ZNF362: variants seen among roughly 807,000 people sequenced by gnomAD.
ZNF362 encodes zinc finger protein 362.
A neutral mutation model predicts 42.9 loss-of-function variants in ZNF362; 11 were observed. The ratio of observed to expected loss-of-function variants is 0.26; its 90% CI spans 0.16 to 0.42. The LOEUF is 0.42. Among genes scored for constraint, ZNF362 ranks in the 20% least tolerant of loss-of-function variants. The pLI is 1.00. For missense variants in ZNF362, 362 were observed against 576.2 expected (o/e 0.63, Z 3.81); for synonymous variants, 255 against 257.3 (o/e 0.99, Z 0.09).
At chr1:33,271,052 G>C (rs1024422763) in intron 2 of ZNF362, among the ~76,000 whole-genome samples, 6 of 152,112 alleles carry the variant, frequency 3.9e-5, no homozygotes, top group African/African-American at 9.7e-5. Context: ...CTGCTCCCCA[G>C]GGGCCTCCCA....
the ZNF362 span, among the ~76,000 whole-genome samples, chr1:33,184,671 AC>A: frequency 4.6e-5 from 7 of 152,328 alleles, no homozygotes; most frequent in Admixed American, 2.6e-4. Context: ...AAGTACAGCC[AC>A]CCTGACATGG....
At chr1:33,214,637 C>A in the ZNF362 span, among the ~76,000 whole-genome samples, 2 of 152,074 alleles carry the variant, frequency 1.3e-5, no homozygotes, top group African/African-American at 4.8e-5. Flanking sequence ...GGAGCTCAGA[C>A]AACTTGATCA....
At chr1:33,239,745 T>C in the ZNF362 span, among the ~76,000 whole-genome samples, 1 of 152,122 alleles carries the variant, frequency 6.6e-6, no homozygotes, top group Non-Finnish European at 1.5e-5. Flanking sequence ...GTCCTGCCCT[T>C]GACACGTGGA....
intron 6 of ZNF362, among the ~76,000 whole-genome samples, chr1:33,288,713 C>T (rs1464564113): frequency 8.8e-6 from 1 of 113,636 alleles, no homozygotes; most frequent in East Asian, 2.8e-4. Context: ...CACTGCACTC[C>T]AGCCTCGGCG....
At chr1:33,189,052 T>C in the ZNF362 span, among the ~76,000 whole-genome samples, 3 of 152,202 alleles carry the variant, frequency 2.0e-5, no homozygotes, top group East Asian at 3.9e-4. Flanking sequence ...GCCACGACTC[T>C]TTCTGCACCA....
chr1:33,223,908 A>T, the ZNF362 span, among the ~76,000 whole-genome samples: 1 of 151,920 alleles, frequency 6.6e-6, no homozygotes, highest in East Asian at 1.9e-4. Flanking sequence ...AAAAAAAAAA[A>T]AAGAAAAAAG....
the ZNF362 span, among the ~76,000 whole-genome samples, chr1:33,131,585 A>G: frequency 0.013 from 2,027 of 152,326 alleles, 61 homozygotes; most frequent in African/African-American, 0.046. Context: ...TATTGATTTT[A>G]GTATTATCAT....
At chr1:33,238,923 A>G in the ZNF362 span, among the ~76,000 whole-genome samples, 3 of 152,190 alleles carry the variant, frequency 2.0e-5, no homozygotes, top group Admixed American at 2.0e-4. Flanking sequence ...CTGGACTTCC[A>G]GCCTCCAGAA....
chr1:33,296,436 C>G (rs1169743066), intron 8 of ZNF362, among the ~76,000 whole-genome samples: 1 of 152,156 alleles, frequency 6.6e-6, no homozygotes, highest in Non-Finnish European at 1.5e-5. Context: ...CTCCTTTTGT[C>G]CCTGCCACTC....
chr1:33,207,178 C>A, the ZNF362 span, among the ~76,000 whole-genome samples: 2 of 151,872 alleles, frequency 1.3e-5, no homozygotes, highest in African/African-American at 4.8e-5. Flanking sequence ...TTAACTCCCA[C>A]TTATGAGTGA....
the ZNF362 span, chr1:33,159,988 G>A: frequency 1.9e-6 from 3 of 1,583,058 alleles, no homozygotes; most frequent in Non-Finnish European, 2.6e-6. This position sits in a 1 kb window ranked among gnomAD's most constrained non-coding sequence, Gnocchi z 4.2. Context: ...GGGAGCAGAT[G>A]GGGTGATCTC....
intron 1 of ZNF362, among the ~76,000 whole-genome samples, chr1:33,265,360 C>G (rs188137709): frequency 6.6e-6 from 1 of 151,898 alleles, no homozygotes; most frequent in Admixed American, 6.6e-5. Context: ...GGGGCAGGCT[C>G]CCAGCTCCCA....
At chr1:33,134,959 CA>C in the ZNF362 span, among the ~76,000 whole-genome samples, 3 of 152,180 alleles carry the variant, frequency 2.0e-5, no homozygotes, top group African/African-American at 7.2e-5. Flanking sequence ...TGTTTCACTC[CA>C]CATAAATATG....
chr1:33,285,771 A>C (rs1246383792), intron 6 of ZNF362, among the ~76,000 whole-genome samples: 3 of 152,222 alleles, frequency 2.0e-5, no homozygotes, highest in Admixed American at 6.5e-5. Context: ...AAAACCATGG[A>C]GAATACATAG....
the ZNF362 span, among the ~76,000 whole-genome samples, chr1:33,198,217 G>A: frequency 6.6e-6 from 1 of 152,146 alleles, no homozygotes; most frequent in Non-Finnish European, 1.5e-5. Flanking sequence ...ATAAAGAAGA[G>A]AAAAGTCGGC....
chr1:33,295,943 C>T (rs971695664), intron 8 of ZNF362, among the ~76,000 whole-genome samples: 1 of 152,234 alleles, frequency 6.6e-6, no homozygotes, highest in African/African-American at 2.4e-5. Context: ...GGGCTGTTGG[C>T]TGGCAGAGTG....
In ZNF362 at chr1:33,299,272, A is replaced by C; in HGVS notation, c.*226A>C. 4.2e-6 allele frequency: 2 copies of C among 476,584 alleles called. No individual in the cohort carries two copies. Among genetic ancestry groups the C allele is most frequent in the Non-Finnish European group, 7.6e-6 (2 of 263,166 alleles). 29.5% of individuals were successfully genotyped at this position (476,584 alleles called of 1,614,324 possible). On this transcript the variant is annotated 3_prime_UTR_variant, in exon 9 of 9. Coordinates refer to ENST00000539719, the MANE Select transcript of ZNF362 (RefSeq NM_152493.3). Reference sequence around the variant, plus strand: ...TTTGGTGGCATCCAAAGACGATCTCAGAGCACTTTGAACCTCTCTGTTGAG... The same window carrying C: ...TTTGGTGGCATCCAAAGACGATCTCCGAGCACTTTGAACCTCTCTGTTGAG...
chr1:33,212,237 C>T, the ZNF362 span, among the ~76,000 whole-genome samples: 2 of 152,148 alleles, frequency 1.3e-5, no homozygotes, highest in Admixed American at 6.5e-5. Context: ...GCAGATGCAG[C>T]CAAGCTTCCT....
intron 1 of ZNF362, among the ~76,000 whole-genome samples, chr1:33,260,402 C>T (rs910370002): frequency 3.9e-5 from 6 of 152,206 alleles, no homozygotes; most frequent in Non-Finnish European, 5.9e-5. Flanking sequence ...CACATTCCCC[C>T]ACCAGGACAG....
Sources: allele counts gnomAD v4.1 joint callset (sites outside exome capture counted in the v4.1 genomes callset), GRCh38; gene constraint gnomAD v4.1.1; non-coding constraint Gnocchi (gnomAD v3.1); transcripts MANE v1.5; gene names NCBI Gene and HGNC (gene_info 2026-07-23, HGNC 2026-07-21).